Variants in MPHOSPH10 observed in about 807,000 individuals in gnomAD.
MPHOSPH10 encodes the protein U3 small nucleolar ribonucleoprotein MPP10.
A neutral mutation model predicts 77.3 loss-of-function variants in MPHOSPH10; 33 were observed. The observed-to-expected ratio is 0.43, with a 90% confidence interval of 0.32 to 0.57. MPHOSPH10 has a LOEUF of 0.57. Among genes scored for constraint, MPHOSPH10 ranks in the 20% least tolerant of loss-of-function variants. The pLI is 0.07. For synonymous variants in MPHOSPH10, 245 were observed against 268.0 expected (o/e 0.91, Z 0.84); for missense variants, 708 against 780.1 (o/e 0.91, Z 1.10).
chr2:71,142,423 A>G (rs553227153), intron 7 of MPHOSPH10, among the ~76,000 whole-genome samples: 8 of 152,256 alleles, frequency 5.3e-5, no homozygotes, highest in Non-Finnish European at 1.0e-4. Context: ...ACGAGAATTA[A>G]AAATTAGATA....
intron 8 of MPHOSPH10, among the ~76,000 whole-genome samples, chr2:71,147,667 T>C (rs1673741414): frequency 6.6e-6 from 1 of 151,290 alleles, no homozygotes; most frequent in South Asian, 2.1e-4. Context: ...AGCAAGGCTC[T>C]GTCTCAAAAG....
At chr2:71,144,962 C>T (rs561008831) in intron 8 of MPHOSPH10, among the ~76,000 whole-genome samples, 1 of 152,296 alleles carries the variant, frequency 6.6e-6, no homozygotes, top group Non-Finnish European at 1.5e-5. Context: ...AGGTTCTTTA[C>T]ATACACTAAC....
intron 8 of MPHOSPH10, among the ~76,000 whole-genome samples, chr2:71,145,385 G>T (rs1394355717): frequency 6.6e-6 from 1 of 152,134 alleles, no homozygotes; most frequent in African/African-American, 2.4e-5. Context: ...CGTTTCATTT[G>T]TACCGAAGAG....
rs944811517 is a variant in MPHOSPH10, at chr2:71,138,567, A to G, written c.1176A>G (p.Ala392=). 10 of 1,614,082 alleles carry G rather than the reference A, an allele frequency of 6.2e-6. No homozygotes were observed. The Admixed American group carries it at 1.2e-4, about 19-fold the overall frequency. ...GGCAGCTTCAGGGGGAAGTGACAGCACAGAAGAGGCCAGAGAACAGCCTCC... is the reference window on the plus strand; with the variant it reads ...GGCAGCTTCAGGGGGAAGTGACAGCGCAGAAGAGGCCAGAGAACAGCCTCC... ...KPWQLQGEVT[A]QKRPENSLLE... The change falls in exon 5 of 11, where the codon GCA becomes GCG. Residue 392 remains alanine, a synonymous_variant. Transcript: ENST00000244230.
At chr2:71,142,173 G>C (rs1399766675) in intron 7 of MPHOSPH10, among the ~76,000 whole-genome samples, 3 of 152,210 alleles carry the variant, frequency 2.0e-5, no homozygotes, top group Non-Finnish European at 4.4e-5. Flanking sequence ...TTAGGGATCA[G>C]ATGGCATTTT....
At chr2:71,132,842 G>A in intron 1 of MPHOSPH10, 56 bp from the exon 2 acceptor site, 1 of 1,500,610 alleles carries the variant, frequency 6.7e-7, no homozygotes. Flanking sequence ...TTTTTATTAA[G>A]AGTGCTGTGA....
chr2:71,146,372 G>C (rs1048892753), intron 8 of MPHOSPH10, among the ~76,000 whole-genome samples: 5 of 118,922 alleles, frequency 4.2e-5, no homozygotes, highest in African/African-American at 1.6e-4. Context: ...ATCTCACTGT[G>C]TTGCCCAGGC....
At chr2:71,141,139 T>C (rs1487443352) in intron 6 of MPHOSPH10, 93 bp from the exon 7 acceptor site, 9 of 592,516 alleles carry the variant, frequency 1.5e-5, no homozygotes. Context: ...ATTGATAATA[T>C]TTATTATAAT....
intron 1 of MPHOSPH10, 42 bp from the exon 2 acceptor site, chr2:71,132,853 AATT>A (rs1673413858): frequency 6.6e-7 from 1 of 1,521,784 alleles, no homozygotes; most frequent in Non-Finnish European, 8.8e-7. Context: ...AGTGCTGTGA[AATT>A]ATTACCTGTA....
rs542759478 is a variant in MPHOSPH10 at position 71,138,842 on chromosome 2, C to T, written c.1240+211C>T. On this transcript the variant is annotated intron_variant, in intron 5 of 10. Coordinates refer to ENST00000244230, the MANE Select transcript of MPHOSPH10 (RefSeq NM_005791.3). ...CTGAGGTCAGGAGTTTGAGACCAGC[C>T]TGGCCAACATGGTGAAACCCCGTCT... 2.9e-5 allele frequency: 20 copies of T among 681,728 alleles called. No individual in the cohort carries two copies. In the African/African-American group the frequency reaches 3.4e-4, roughly 12 times the overall value. The allele number at this position is 681,728 out of a possible 1,614,324, so 42.2% of individuals were successfully genotyped here.
At chr2:71,142,778 G>A (rs1673635499) in intron 7 of MPHOSPH10, among the ~76,000 whole-genome samples, 2 of 152,200 alleles carry the variant, frequency 1.3e-5, no homozygotes, top group Admixed American at 1.3e-4. Flanking sequence ...GCTGGAAGGT[G>A]GGTGCTGATG....
At chr2:71,136,294 T>C (rs1173387525) in intron 4 of MPHOSPH10, among the ~76,000 whole-genome samples, 5 of 152,128 alleles carry the variant, frequency 3.3e-5, no homozygotes, top group Non-Finnish European at 7.4e-5. Context: ...GGGAGGATTG[T>C]TTGGAGCCCA....
chr2:71,149,070 T>C, intron 9 of MPHOSPH10, 153 bp from the exon 10 acceptor site: 1 of 664,318 alleles, frequency 1.5e-6, no homozygotes. Flanking sequence ...TTACCAACGC[T>C]CATTGGAATG....
rs1230766713 is a variant in MPHOSPH10 at position 71,134,033 on chromosome 2, A to G, written c.854A>G (p.Asp285Gly). ...SDEDITNVHD[D>G]ELDSNKEDDE... ...GAAGACATAACAAATGTTCATGATG[A>G]TGAGCTGGATTCAAACAAAGAAGAT... is the stretch of plus-strand genomic sequence containing the variant. The change falls in exon 3 of 11, where the codon GAT (aspartate) becomes GGT (glycine). Residue 285 changes from aspartate (D) to glycine (G), a missense_variant. Physicochemically the swap from Asp to Gly is moderately conservative, Grantham distance 94. Coordinates refer to ENST00000244230, the MANE Select transcript of MPHOSPH10 (RefSeq NM_005791.3). The G allele has an allele frequency of 3.7e-6, 6 of 1,610,004 alleles. No individual in the cohort carries two copies. In the African/African-American group the frequency reaches 5.3e-5, roughly 14 times the overall value.
intron 1 of MPHOSPH10, among the ~76,000 whole-genome samples, chr2:71,131,352 C>A (rs1261993610): frequency 6.6e-6 from 1 of 152,316 alleles, no homozygotes; most frequent in East Asian, 1.9e-4. Context: ...CCACACTGTA[C>A]AACTTTTAAC....
At chr2:71,135,679 A>AT (rs1267269193) in intron 4 of MPHOSPH10, among the ~76,000 whole-genome samples, 11 of 150,632 alleles carry the variant, frequency 7.3e-5, no homozygotes, top group African/African-American at 2.7e-4. Context: ...AGGATACCAC[A>AT]TATGTCTTTT....
chr2:71,136,252 T>TG (rs1005284342), intron 4 of MPHOSPH10, among the ~76,000 whole-genome samples: 1 of 152,124 alleles, frequency 6.6e-6, no homozygotes, highest in Admixed American at 6.5e-5. Context: ...CCAGGCACAG[T>TG]GGCTCACACC....
At chr2:71,138,072 G>T (rs536489996) in intron 4 of MPHOSPH10, among the ~76,000 whole-genome samples, 1 of 152,326 alleles carries the variant, frequency 6.6e-6, no homozygotes, top group Non-Finnish European at 1.5e-5. Context: ...AGGCGACAGA[G>T]CGAGACTCTG....
At chr2:71,134,343 G>C (rs951957990) in intron 3 of MPHOSPH10, among the ~76,000 whole-genome samples, 1 of 152,174 alleles carries the variant, frequency 6.6e-6, no homozygotes, top group African/African-American at 2.4e-5. Flanking sequence ...ATTTGGTTTT[G>C]TGTCAATAAA....
Sources: allele counts gnomAD v4.1 joint callset (sites outside exome capture counted in the v4.1 genomes callset), GRCh38; gene constraint gnomAD v4.1.1; transcripts MANE v1.5; gene names NCBI Gene and HGNC (gene_info 2026-07-23, HGNC 2026-07-21).